The following CNKSR2 variants were observed in gnomAD, a reference collection of about 807,000 sequenced individuals.
CNKSR2 encodes CNK homolog protein 2.
CNKSR2 carries 14 observed loss-of-function variants against 84.4 expected under a neutral mutation model. That is an observed-to-expected ratio of 0.17 (90% CI 0.11 to 0.26). CNKSR2 has a LOEUF of 0.26. Among genes scored for constraint, CNKSR2 ranks in the 10% least tolerant of loss-of-function variants. The probability of loss-of-function intolerance (pLI) is 1.00; values close to 1 mark genes in which losing one functional copy is unlikely to be tolerated. For synonymous variants in CNKSR2, 275 were observed against 277.9 expected (o/e 0.99, Z 0.10); for missense variants, 485 against 771.2 (o/e 0.63, Z 4.40).
chrX:21,635,639 C>T (rs950383123), intron 20 of CNKSR2, among the ~76,000 whole-genome samples: 2 of 109,032 alleles, frequency 1.8e-5, no homozygotes, highest in African/African-American at 6.6e-5. Context: ...CCATTGGTTG[C>T]TTCCCAAAGA....
At chrX:21,389,173 A>C (rs2090013675) in intron 1 of CNKSR2, among the ~76,000 whole-genome samples, 1 of 106,382 alleles carries the variant, frequency 9.4e-6, no homozygotes, top group African/African-American at 3.4e-5. Flanking sequence ...AAAATGTGAG[A>C]AACTTAAAAA....
At chrX:21,504,982 A>G (rs1346724414) in intron 8 of CNKSR2, 1 of 280,524 alleles carries the variant, frequency 3.6e-6, no homozygotes, top group African/African-American at 2.8e-5. Flanking sequence ...ATCTGCCACT[A>G]CATCCCTCTC....
At chrX:21,446,473 A>G (rs1474309839) in intron 4 of CNKSR2, among the ~76,000 whole-genome samples, 1 of 111,102 alleles carries the variant, frequency 9.0e-6, no homozygotes, top group Non-Finnish European at 1.9e-5. Context: ...TGAAGAGATA[A>G]GAGTGATGAC....
chrX:21,438,774 TTAATGTG>T (rs949933022), intron 3 of CNKSR2, among the ~76,000 whole-genome samples: 2 of 108,928 alleles, frequency 1.8e-5, no homozygotes, highest in East Asian at 2.8e-4. Flanking sequence ...AAGCAGAGGG[TTAATGTG>T]TAATGTGTAA....
rs756305146 is a variant in CNKSR2 at position 21,535,633 on chromosome X, T to G, written c.1303+3566T>G. Among the ~76,000 whole-genome samples, 5 of 111,023 alleles carry G rather than the reference T, an allele frequency of 4.5e-5. No homozygotes were observed. In the East Asian group the frequency reaches 1.4e-3, roughly 32 times the overall value. On this transcript the variant is annotated intron_variant, in intron 11 of 21. Coordinates refer to ENST00000379510, the MANE Select transcript of CNKSR2 (RefSeq NM_014927.5). ...TTCTAAGTATTTTTTGTAGCTATTA[T>G]AAAGGGGATTGCATTCTTGATTTTT...
intron 20 of CNKSR2, among the ~76,000 whole-genome samples, chrX:21,617,870 T>C (rs2092584809): frequency 9.2e-6 from 1 of 108,166 alleles, no homozygotes; most frequent in Non-Finnish European, 1.9e-5. Context: ...GCATTGGCTG[T>C]ATATGCACAC....
chrX:21,391,797 G>A (rs1222305408), intron 1 of CNKSR2, among the ~76,000 whole-genome samples: 2 of 112,138 alleles, frequency 1.8e-5, no homozygotes, highest in Admixed American at 1.9e-4. Context: ...TAGTCAGACT[G>A]CAGATTTCTG....
rs1361032029 is a variant in CNKSR2 at position 21,558,649 on chromosome X, A to G, written c.1304-2822A>G. Among the ~76,000 whole-genome samples the G allele has an allele frequency of 2.7e-5, 3 of 110,817 alleles. No individual in the cohort carries two copies. In the Admixed American group the frequency reaches 2.9e-4, roughly 11 times the overall value. On this transcript the variant is annotated intron_variant, in intron 11 of 21. Coordinates refer to ENST00000379510, the MANE Select transcript of CNKSR2 (RefSeq NM_014927.5). ...TACAACCAGACATATCAAGGGCTTAATTACATGCTTCAATGACTTAGCTCC... is the reference window on the plus strand; with the variant it reads ...TACAACCAGACATATCAAGGGCTTAGTTACATGCTTCAATGACTTAGCTCC...
intron 20 of CNKSR2, among the ~76,000 whole-genome samples, chrX:21,637,040 A>G (rs1205301813): frequency 2.7e-5 from 3 of 111,699 alleles, no homozygotes; most frequent in African/African-American, 6.5e-5. Context: ...TAAATGTGAA[A>G]GATGTCTTCA....
chrX:21,649,704 G>C (rs1472803790), intron 21 of CNKSR2, among the ~76,000 whole-genome samples: 1 of 111,672 alleles, frequency 9.0e-6, no homozygotes, highest in Non-Finnish European at 1.9e-5. Context: ...CCTGCTCACT[G>C]TGTGTGGGGG....
At chrX:21,395,215 CT>C (rs937900005) in intron 1 of CNKSR2, among the ~76,000 whole-genome samples, 5 of 111,594 alleles carry the variant, frequency 4.5e-5, no homozygotes, top group African/African-American at 1.6e-4. Context: ...ACTAGTACAT[CT>C]TGTGTAAATG....
chrX:21,647,798 T>C (rs969380367), intron 20 of CNKSR2, among the ~76,000 whole-genome samples: 1 of 111,515 alleles, frequency 9.0e-6, no homozygotes, highest in Admixed American at 9.5e-5. Context: ...ACATGGACCA[T>C]TGTGGAATGA....
chrX:21,633,694 C>T (rs2092657981), intron 20 of CNKSR2, among the ~76,000 whole-genome samples: 1 of 112,075 alleles, frequency 8.9e-6, no homozygotes, highest in Non-Finnish European at 1.9e-5. Context: ...GAACCTTTTG[C>T]AATGGCTATA....
chrX:21,465,730 CAT>C (rs1232991593), intron 4 of CNKSR2, among the ~76,000 whole-genome samples: 1 of 111,211 alleles, frequency 9.0e-6, no homozygotes, highest in African/African-American at 3.3e-5. Flanking sequence ...CTATTAATAA[CAT>C]ATGCACTGTT....
intron 9 of CNKSR2, among the ~76,000 whole-genome samples, chrX:21,520,360 C>A (rs1246320445): frequency 2.7e-5 from 3 of 110,332 alleles, no homozygotes; most frequent in African/African-American, 9.8e-5. Flanking sequence ...TAAGAAAAAC[C>A]AGGGATTCCT....
intron 9 of CNKSR2, among the ~76,000 whole-genome samples, chrX:21,523,474 C>G (rs1010888144): frequency 9.0e-6 from 1 of 110,908 alleles, no homozygotes; most frequent in Non-Finnish European, 1.9e-5. Context: ...TTAATTCTAC[C>G]TTTTTTCTTA....
At chrX:21,629,704 T>C (rs752804854) in intron 20 of CNKSR2, among the ~76,000 whole-genome samples, 3 of 112,066 alleles carry the variant, frequency 2.7e-5, no homozygotes, top group Non-Finnish European at 3.8e-5. Context: ...CTCGTGGGAA[T>C]TATGGGTGCT....
In CNKSR2 at chrX:21,609,052, C is replaced by A; in HGVS notation, c.2146-19C>A. 8.4e-7 allele frequency: 1 copy of A among 1,183,864 alleles called. No homozygotes were observed. The highest frequency in any genetic ancestry group is 1.1e-6 in the Non-Finnish European group (1 of 881,408). On this transcript the variant is annotated intron_variant, in intron 19 of 21. Coordinates refer to ENST00000379510, the MANE Select transcript of CNKSR2 (RefSeq NM_014927.5). ...GTCTGTTATTTTGGCACAGACTAAT[C>A]AGGGGCTCCTTTCTACAGATGAGTT...
At chrX:21,508,777 G>A (rs2091640416) in intron 8 of CNKSR2, among the ~76,000 whole-genome samples, 1 of 112,194 alleles carries the variant, frequency 8.9e-6, no homozygotes, top group Non-Finnish European at 1.9e-5. Flanking sequence ...GTTAATATAA[G>A]TGATAGGTTA....
Sources: allele counts gnomAD v4.1 joint callset (sites outside exome capture counted in the v4.1 genomes callset), GRCh38; gene constraint gnomAD v4.1.1; transcripts MANE v1.5; gene names NCBI Gene and HGNC (gene_info 2026-07-23, HGNC 2026-07-21).